ARHGEF28: variants seen among roughly 807,000 people sequenced by gnomAD.
ARHGEF28 encodes the protein Rho guanine nucleotide exchange factor 28.
ARHGEF28 carries 152 observed loss-of-function variants against 206.6 expected under a neutral mutation model. That is an observed-to-expected ratio of 0.74 (90% CI 0.64 to 0.84). The LOEUF (loss-of-function observed/expected upper bound fraction) is 0.84. Among genes scored for constraint, ARHGEF28 ranks in the 40% least tolerant of loss-of-function variants. ARHGEF28 has a pLI of 0.00. For synonymous variants in ARHGEF28, 763 were observed against 776.4 expected, an observed-to-expected ratio of 0.98 and a Z score of 0.29; for missense variants, 2,028 against 2,073.2, an observed-to-expected ratio of 0.98 and a Z score of 0.42.
At chr5:73,628,215 A>G (rs1179151622) in intron 1 of ARHGEF28, among the ~76,000 whole-genome samples, 1 of 152,190 alleles carries the variant, frequency 6.6e-6, no homozygotes, top group Non-Finnish European at 1.5e-5. Context: ...GAGCTCTGAT[A>G]CATGACCTCC....
intron 4 of ARHGEF28, among the ~76,000 whole-genome samples, chr5:73,770,605 C>T (rs540594687): frequency 6.6e-6 from 1 of 152,286 alleles, no homozygotes; most frequent in African/African-American, 2.4e-5. Flanking sequence ...GTTTGTTTTG[C>T]TGGCTGCCGT....
At chr5:73,899,040 TA>T (rs1197199233) in intron 30 of ARHGEF28, 2 of 146,592 alleles carry the variant, frequency 1.4e-5, no homozygotes, top group Non-Finnish European at 3.0e-5. Flanking sequence ...TATAGCTTTT[TA>T]ATTCTATACT....
intron 6 of ARHGEF28, 80 bp from the exon 7 acceptor site, chr5:73,780,596 T>G: frequency 7.2e-7 from 1 of 1,391,846 alleles, no homozygotes; most frequent in Non-Finnish European, 9.8e-7. Context: ...TGATAGTGAC[T>G]TTTGCCTCTT....
At chr5:73,892,914 C>T in intron 27 of ARHGEF28, among the ~76,000 whole-genome samples, 1 of 152,168 alleles carries the variant, frequency 6.6e-6, no homozygotes. Context: ...AATTCTTATA[C>T]TTTATTCCCA....
At chr5:73,862,857 C>T (rs1759480628) in intron 16 of ARHGEF28, among the ~76,000 whole-genome samples, 1 of 117,752 alleles carries the variant, frequency 8.5e-6, no homozygotes, top group Non-Finnish European at 1.9e-5. Flanking sequence ...ACTTTTGTTT[C>T]TTTAAAAAAA....
intron 16 of ARHGEF28, among the ~76,000 whole-genome samples, chr5:73,861,819 A>G (rs72772541): frequency 6.6e-6 from 1 of 150,668 alleles, no homozygotes; most frequent in Non-Finnish European, 1.5e-5. Flanking sequence ...TCTTTTACCC[A>G]CAACTTTTTT....
intron 16 of ARHGEF28, among the ~76,000 whole-genome samples, chr5:73,862,213 T>G (rs1462899086): frequency 3.9e-5 from 6 of 152,210 alleles, no homozygotes; most frequent in Non-Finnish European, 7.4e-5. Flanking sequence ...CACATAAATT[T>G]ATATATCATA....
intron 1 of ARHGEF28, among the ~76,000 whole-genome samples, chr5:73,662,923 GC>G (rs1416417933): frequency 8.5e-5 from 13 of 152,080 alleles, no homozygotes; most frequent in African/African-American, 3.1e-4. Flanking sequence ...AGTAACTGAA[GC>G]AAAATTAAAA....
In ARHGEF28 at chr5:73,773,932, C is replaced by T. The variant is rs760410003; in HGVS notation, c.553C>T (p.Leu185Phe). Residue 185 changes from leucine to phenylalanine, a missense_variant, in exon 5 of 36, where the codon CTC (leucine) becomes TTC (phenylalanine). This residue lies in a region of ARHGEF28 where 1,002 missense variants were observed against 1,015.3 expected (regional missense o/e 0.99). Coordinates refer to ENST00000513042, the MANE Select transcript of ARHGEF28 (RefSeq NM_001177693.2). ...TAAACTTTCCCAGTTCTTCTTGTGTCTCCCGGGGGGAGTCCAGGCCTTGGC... is the reference window on the plus strand; with the variant it reads ...TAAACTTTCCCAGTTCTTCTTGTGTTTCCCGGGGGGAGTCCAGGCCTTGGC... ...LAKLSQFFLC[L>F]PGGVQALALP... is the part of the protein sequence containing the mutation. 1 of 1,608,054 alleles carries T rather than the reference C, an allele frequency of 6.2e-7. No individual in the cohort carries two copies. The highest frequency in any genetic ancestry group is 1.1e-5 in the South Asian group (1 of 89,358).
At chr5:73,772,469 C>T (rs1448338082) in intron 4 of ARHGEF28, among the ~76,000 whole-genome samples, 1 of 152,204 alleles carries the variant, frequency 6.6e-6, no homozygotes, top group Admixed American at 6.5e-5. Flanking sequence ...ACCTCTGCCT[C>T]CTGGGCTCAA....
intron 18 of ARHGEF28, 56 bp downstream of exon 18, chr5:73,866,069 T>A: frequency 2.3e-6 from 3 of 1,315,498 alleles, no homozygotes; most frequent in Non-Finnish European, 3.2e-6. Flanking sequence ...TACTATACAT[T>A]TTTCCATTAT....
chr5:73,902,310 A>G (rs1762313937), intron 31 of ARHGEF28: 1 of 152,170 alleles, frequency 6.6e-6, no homozygotes, highest in African/African-American at 2.4e-5. Context: ...CCTGCTTTTC[A>G]TCACTTTTAA....
chr5:73,782,208 G>T (rs1238040745), intron 7 of ARHGEF28, among the ~76,000 whole-genome samples: 1 of 151,872 alleles, frequency 6.6e-6, no homozygotes, highest in South Asian at 2.1e-4. Flanking sequence ...GGAGGCCGAG[G>T]TGGGTGGATC....
chr5:73,671,694 TTATATATATATA>T (rs1182569252), intron 1 of ARHGEF28, among the ~76,000 whole-genome samples: 141 of 76,064 alleles, frequency 1.9e-3, no homozygotes, highest in East Asian at 2.9e-3. Flanking sequence ...TTGAACTTGA[TTATATATATATA>T]TATATATATA....
intron 1 of ARHGEF28, among the ~76,000 whole-genome samples, chr5:73,684,549 T>C (rs77528424): frequency 3.3e-5 from 5 of 152,212 alleles, no homozygotes; most frequent in Admixed American, 3.3e-4. Flanking sequence ...TATAAAAATT[T>C]CTGTTTGAGT....
chr5:73,869,959 C>T, intron 20 of ARHGEF28, 110 bp from the exon 21 acceptor site: 2 of 1,319,682 alleles, frequency 1.5e-6, no homozygotes, highest in African/African-American at 1.5e-5. Context: ...TAGTAGTTTC[C>T]ATGTTCATAG....
chr5:73,917,507 T>C (rs1763277155), intron 35 of ARHGEF28, among the ~76,000 whole-genome samples: 1 of 152,210 alleles, frequency 6.6e-6, no homozygotes, highest in African/African-American at 2.4e-5. Context: ...CAGGAGTGCT[T>C]ACTGCCAACT....
chr5:73,873,257 C>T lies in ARHGEF28; in HGVS notation c.2814+11C>T. 1 of 1,602,922 alleles carries T rather than the reference C, an allele frequency of 6.2e-7. No homozygotes were observed. On this transcript the variant is annotated intron_variant, in intron 22 of 35. Coordinates refer to ENST00000513042, the MANE Select transcript of ARHGEF28 (RefSeq NM_001177693.2). ...ATTTTGGTACAACAGGTAAGAAGAG[C>T]TTAAAGTCCTTGACCTTTATGACGT...
intron 9 of ARHGEF28, among the ~76,000 whole-genome samples, chr5:73,802,866 A>T (rs1318366163): frequency 7.9e-6 from 1 of 126,818 alleles, no homozygotes; most frequent in Admixed American, 8.4e-5. Context: ...AGCAAGCTCG[A>T]TTGCTGTGTG....
Sources: allele counts gnomAD v4.1 joint callset (sites outside exome capture counted in the v4.1 genomes callset), GRCh38; gene constraint gnomAD v4.1.1; regional missense constraint gnomAD v4.1.1; transcripts MANE v1.5; gene names NCBI Gene and HGNC (gene_info 2026-07-23, HGNC 2026-07-21).